The following STAT3 variants were observed in gnomAD, a reference collection of about 807,000 sequenced individuals.
STAT3 encodes the protein signal transducer and activator of transcription 3.
STAT3 carries 7 observed loss-of-function variants against 114.3 expected under a neutral mutation model. The observed-to-expected ratio is 0.06, with a 90% CI of 0.03 to 0.11. The LOEUF (loss-of-function observed/expected upper bound fraction) is 0.11, where lower values mean the gene tolerates loss of function less well. Among genes scored for constraint, STAT3 ranks in the 10% least tolerant of loss-of-function variants. The pLI, the probability that STAT3 is intolerant of heterozygous loss-of-function variation, is 1.00. For synonymous variants in STAT3, 331 were observed against 354.5 expected (o/e 0.93, Z 0.74); for missense variants, 364 against 960.9 (o/e 0.38, Z 8.21).
intron 14 of STAT3, 107 bp from the exon 15 acceptor site, chr17:42,326,306 G>C (rs922103782): frequency 1.4e-5 from 13 of 958,364 alleles, no homozygotes; most frequent in East Asian, 1.3e-4. Flanking sequence ...CCAGGAGTTC[G>C]AGACCAGTCT....
At chr17:42,377,396 T>C (rs1173680268) in intron 1 of STAT3, among the ~76,000 whole-genome samples, 1 of 152,146 alleles carries the variant, frequency 6.6e-6, no homozygotes, top group Non-Finnish European at 1.5e-5. Flanking sequence ...TTTTACTATG[T>C]AGATTTTTTA....
chr17:42,350,928 C>T (rs973954965), intron 1 of STAT3, among the ~76,000 whole-genome samples: 7 of 151,930 alleles, frequency 4.6e-5, no homozygotes, highest in African/African-American at 2.4e-5. Flanking sequence ...GTCAGGAGAT[C>T]GAGACCATCC....
intron 3 of STAT3, 84 bp downstream of exon 3, chr17:42,346,485 G>A (rs2082705964): frequency 6.3e-7 from 1 of 1,590,236 alleles, no homozygotes; most frequent in African/African-American, 1.3e-5. Context: ...TTAGCCAAAT[G>A]AGAAAAGAGA....
chr17:42,372,957 G>C lies in STAT3; in HGVS notation c.-24+15322C>G, dbSNP rs1223956396. On this transcript the variant is annotated intron_variant, in intron 1 of 23. Coordinates refer to ENST00000264657, the MANE Select transcript of STAT3 (RefSeq NM_139276.3). ...GTTGTAAGGGACGTACTATACTAAT[G>C]CAAGATGTTAATAATAGAAGTTGTG... Among the ~76,000 whole-genome samples, 3 of 152,196 alleles carry C rather than the reference G, an allele frequency of 2.0e-5. No homozygotes were observed. In the South Asian group the frequency reaches 6.2e-4, roughly 31 times the overall value.
rs1290153250 is a variant in STAT3 at position 42,388,290 on chromosome 17, G to A, written c.-35C>T. On this transcript the variant is annotated 5_prime_UTR_variant, in exon 1 of 24. Transcript: ENST00000264657. Reference sequence around the variant, plus strand: ...TGCACCCCCTTCACCTGTTTCTCCGGCAGAGGCCGAGAGGCCGGGGCTGCG... The same window carrying A: ...TGCACCCCCTTCACCTGTTTCTCCGACAGAGGCCGAGAGGCCGGGGCTGCG... 2.4e-6 allele frequency: 3 copies of A among 1,231,730 alleles called. No homozygotes were observed. Among genetic ancestry groups the A allele is most frequent in the Admixed American group, 8.4e-5 (2 of 23,714 alleles). The allele number at this position is 1,231,730 out of a possible 1,614,324, so 76.3% of individuals were successfully genotyped here.
At position 42,315,677 on chromosome 17, in the gene STAT3, T is replaced by C; in HGVS notation, c.*68A>G. 6.7e-7 allele frequency: 1 copy of C among 1,503,730 alleles called. No individual in the cohort carries two copies. The allele number at this position is 1,503,730 out of a possible 1,614,324, so 93.1% of individuals were successfully genotyped here. A position where few individuals can be genotyped will look rare whatever the true frequency, so the allele number is the denominator to read the frequency against. ...TTTCAGATGATCTGGGGTTTGGCTG[T>C]GTGAGGGGTGGCAGAATGCAGGTAG... On this transcript the variant is annotated 3_prime_UTR_variant, in exon 24 of 24. Transcript: ENST00000264657.
rs924790647 is a variant in STAT3 at position 42,313,599 on chromosome 17, G to A, written c.*2146C>T. ...GGGCCTGAGGACCCTGTTCTTTAAT[G>A]GGCCACAACAGGGCTCAGCTCCTCT... On this transcript the variant is annotated 3_prime_UTR_variant, in exon 24 of 24. Transcript: ENST00000264657. 4.3e-6 allele frequency: 1 copy of A among 230,600 alleles called. No homozygotes were observed. Among genetic ancestry groups the A allele is most frequent in the Non-Finnish European group, 8.6e-6 (1 of 116,182 alleles). The allele number at this position is 230,600 out of a possible 1,614,324, so 14.3% of individuals were successfully genotyped here.
At chr17:42,343,943 T>C (rs1250520974) in intron 4 of STAT3, among the ~76,000 whole-genome samples, 1 of 152,210 alleles carries the variant, frequency 6.6e-6, no homozygotes, top group Non-Finnish European at 1.5e-5. Flanking sequence ...ATAAGAGTTC[T>C]GTCCCTTGCT....
chr17:42,320,091 C>T (rs1003858831), intron 21 of STAT3, among the ~76,000 whole-genome samples: 10 of 152,256 alleles, frequency 6.6e-5, no homozygotes, highest in African/African-American at 1.9e-4. Context: ...GGGACCCCAA[C>T]GTCCTCTGCA....
intron 1 of STAT3, among the ~76,000 whole-genome samples, chr17:42,351,686 TAGAG>T (rs1411154472): frequency 1.3e-5 from 2 of 152,048 alleles, no homozygotes; most frequent in Non-Finnish European, 2.9e-5. Context: ...GTAAAGCAAA[TAGAG>T]AGAATGTCAG....
At chr17:42,353,639 T>C (rs1414928599) in intron 1 of STAT3, among the ~76,000 whole-genome samples, 2 of 152,010 alleles carry the variant, frequency 1.3e-5, no homozygotes, top group Non-Finnish European at 2.9e-5. Context: ...CAGTGGCAAA[T>C]ATAGATCACT....
intron 1 of STAT3, among the ~76,000 whole-genome samples, chr17:42,355,776 T>C (rs749176280): frequency 7.2e-5 from 11 of 152,158 alleles, no homozygotes; most frequent in Non-Finnish European, 1.6e-4. Flanking sequence ...AAAAGATATA[T>C]TGAGAAACGC....
chr17:42,329,263 G>T, intron 14 of STAT3, 147 bp downstream of exon 14: 1 of 1,146,644 alleles, frequency 8.7e-7, no homozygotes, highest in Non-Finnish European at 1.3e-6. Context: ...TTCTGTTCAT[G>T]TCACTTTGGC....
chr17:42,340,223 G>A (rs971254330), intron 4 of STAT3, among the ~76,000 whole-genome samples: 1 of 151,868 alleles, frequency 6.6e-6, no homozygotes, highest in Admixed American at 6.6e-5. Flanking sequence ...GAGCTTGGTG[G>A]TGCATGCCTG....
chr17:42,373,849 C>T (rs1284845045), intron 1 of STAT3, among the ~76,000 whole-genome samples: 1 of 147,162 alleles, frequency 6.8e-6, no homozygotes, highest in Non-Finnish European at 1.5e-5. Context: ...CGCGCCACTA[C>T]ACTCCAGCCT....
chr17:42,346,280 TGA>T (rs947106757), intron 3 of STAT3, among the ~76,000 whole-genome samples: 1 of 152,180 alleles, frequency 6.6e-6, no homozygotes, highest in African/African-American at 2.4e-5. Flanking sequence ...CATGTAACAG[TGA>T]GAGTCATCTT....
intron 20 of STAT3, among the ~76,000 whole-genome samples, chr17:42,322,725 C>T (rs1038452693): frequency 3.9e-5 from 6 of 152,084 alleles, no homozygotes; most frequent in South Asian, 2.1e-4. Context: ...TAACTACTTG[C>T]GTAAGATATA....
chr17:42,325,865 C>T (rs931404491), intron 15 of STAT3, among the ~76,000 whole-genome samples: 3 of 152,218 alleles, frequency 2.0e-5, no homozygotes, highest in Middle Eastern at 3.4e-3. Context: ...CCCGGCCAAT[C>T]AATTTCTAAA....
chr17:42,345,155 C>T (rs1223732377), intron 4 of STAT3, among the ~76,000 whole-genome samples: 2 of 151,812 alleles, frequency 1.3e-5, no homozygotes, highest in Non-Finnish European at 2.9e-5. Flanking sequence ...ATCCCAGCTA[C>T]TCTTGAGGCT....
Sources: allele counts gnomAD v4.1 joint callset (sites outside exome capture counted in the v4.1 genomes callset), GRCh38; gene constraint gnomAD v4.1.1; transcripts MANE v1.5; gene names NCBI Gene and HGNC (gene_info 2026-07-23, HGNC 2026-07-21).